Variants in UCK2 observed in about 807,000 individuals in gnomAD.
UCK2 encodes uridine-cytidine kinase 2.
UCK2 carries 6 observed loss-of-function variants against 30.8 expected under a neutral mutation model. That is an observed-to-expected ratio of 0.19 (90% confidence interval 0.11 to 0.38). UCK2 has a LOEUF of 0.38. Ranked by LOEUF, UCK2 falls within the 10% of genes least tolerant of loss-of-function variation. The pLI is 1.00. For missense variants in UCK2, 210 were observed against 339.8 expected, an observed-to-expected ratio of 0.62 and a Z score of 3.00; for synonymous variants, 125 against 133.6, an observed-to-expected ratio of 0.94 and a Z score of 0.45.
intron 1 of UCK2, among the ~76,000 whole-genome samples, chr1:165,880,843 G>A (rs1469818740): frequency 2.6e-5 from 4 of 152,050 alleles, no homozygotes; most frequent in Non-Finnish European, 5.9e-5. Context: ...GGTCTCACAT[G>A]AGCAGTGTAG....
intron 1 of UCK2, among the ~76,000 whole-genome samples, chr1:165,838,883 A>G (rs189982232): frequency 6.6e-6 from 1 of 152,246 alleles, no homozygotes; most frequent in Non-Finnish European, 1.5e-5. Context: ...TCCCATCTCT[A>G]CTAAAAATAC....
At chr1:165,830,857 G>A (rs1571260313) in intron 1 of UCK2, among the ~76,000 whole-genome samples, 2 of 152,106 alleles carry the variant, frequency 1.3e-5, no homozygotes, top group Non-Finnish European at 2.9e-5. Flanking sequence ...AACATAGTGA[G>A]ACCCCATCTG....
chr1:165,859,540 G>GC (rs1178165295), intron 1 of UCK2, among the ~76,000 whole-genome samples: 2 of 152,202 alleles, frequency 1.3e-5, no homozygotes, highest in African/African-American at 2.4e-5. Flanking sequence ...GATCAGTGGG[G>GC]CCGGGAGCTG....
At chr1:165,850,264 G>A (rs1223354761) in intron 1 of UCK2, among the ~76,000 whole-genome samples, 6 of 151,590 alleles carry the variant, frequency 4.0e-5, no homozygotes, top group Non-Finnish European at 8.8e-5. Context: ...CCGAGAAGCT[G>A]GGATTACAGG....
chr1:165,827,988 A>T (rs1316993514), intron 1 of UCK2, 56 bp downstream of exon 1: 9 of 1,221,134 alleles, frequency 7.4e-6, no homozygotes, highest in Non-Finnish European at 9.3e-6. Context: ...TGGGCGGCGC[A>T]TGTGGCCGGC....
At chr1:165,869,433 T>C (rs1424335562) in intron 1 of UCK2, among the ~76,000 whole-genome samples, 1 of 152,066 alleles carries the variant, frequency 6.6e-6, no homozygotes, top group Non-Finnish European at 1.5e-5. Context: ...TTCTTTTGGG[T>C]ACATCCCCAC....
At chr1:165,906,009 G>C in intron 6 of UCK2, 40 bp downstream of exon 6, 2 of 1,594,006 alleles carry the variant, frequency 1.3e-6, no homozygotes, top group Non-Finnish European at 1.7e-6. Flanking sequence ...TATAATGTCT[G>C]CCCTTTGTCA....
intron 4 of UCK2, chr1:165,900,275 A>G (rs955149662): frequency 6.6e-5 from 10 of 152,238 alleles, no homozygotes; most frequent in Admixed American, 3.9e-4. Context: ...CATAGAACAC[A>G]TGCTTATTGA....
In UCK2 at chr1:165,827,832, C is replaced by T; in HGVS notation, c.-2C>T. ...GCAGCGGGAGGAGGGGCGGCGCGAACCATGGCCGGGGACAGCGAGCAGACC... is the reference window on the plus strand; with the variant it reads ...GCAGCGGGAGGAGGGGCGGCGCGAATCATGGCCGGGGACAGCGAGCAGACC... On this transcript the variant is annotated 5_prime_UTR_variant, in exon 1 of 7. Transcript: ENST00000367879. 6.9e-7 allele frequency: 1 copy of T among 1,446,724 alleles called. No individual in the cohort carries two copies. The highest frequency in any genetic ancestry group is 1.5e-5 in the South Asian group (1 of 68,156). 89.6% of individuals were successfully genotyped at this position (1,446,724 alleles called of 1,614,324 possible). A position where few individuals can be genotyped will look rare whatever the true frequency, so the allele number is the denominator to read the frequency against.
chr1:165,877,069 G>A (rs899135681), intron 1 of UCK2, among the ~76,000 whole-genome samples: 31 of 152,168 alleles, frequency 2.0e-4, no homozygotes, highest in African/African-American at 7.5e-4. Flanking sequence ...ATTTTGGGGG[G>A]CAACAATGTA....
rs1020254201 is a variant in UCK2, at chr1:165,892,443, A to G, written c.356+1121A>G. 3.3e-5 allele frequency among the ~76,000 whole-genome samples: 5 copies of G among 152,304 alleles called. No individual in the cohort carries two copies. In the East Asian group the frequency reaches 7.8e-4, roughly 24 times the overall value. Reference sequence around the variant, plus strand: ...GGTTCATGGAAAAGTCCAAGAAACCACCATGTCTGGGTTTGCAGCCTCAAT... The same window carrying G: ...GGTTCATGGAAAAGTCCAAGAAACCGCCATGTCTGGGTTTGCAGCCTCAAT... On this transcript the variant is annotated intron_variant, in intron 3 of 6. Coordinates refer to ENST00000367879, the MANE Select transcript of UCK2 (RefSeq NM_012474.5).
intron 1 of UCK2, among the ~76,000 whole-genome samples, chr1:165,830,109 G>C (rs1349905317): frequency 6.6e-6 from 1 of 151,666 alleles, no homozygotes; most frequent in African/African-American, 2.4e-5. Context: ...GGGCTCAAGT[G>C]ATCCTCCCAC....
intron 1 of UCK2, among the ~76,000 whole-genome samples, chr1:165,860,774 T>C (rs1248448200): frequency 6.6e-6 from 1 of 152,108 alleles, no homozygotes; most frequent in Admixed American, 6.5e-5. Context: ...TAACCTTATC[T>C]CATATCTATT....
At chr1:165,883,183 G>A (rs767140532) in intron 1 of UCK2, among the ~76,000 whole-genome samples, 1 of 152,118 alleles carries the variant, frequency 6.6e-6, no homozygotes, top group Admixed American at 6.5e-5. Context: ...CCCATCCTTA[G>A]TTAGAATGAT....
intron 1 of UCK2, among the ~76,000 whole-genome samples, chr1:165,881,942 T>C (rs145170375): frequency 6.6e-6 from 1 of 152,346 alleles, no homozygotes; most frequent in African/African-American, 2.4e-5. Flanking sequence ...CAGTCTAACA[T>C]CTGCATCTTT....
intron 4 of UCK2, among the ~76,000 whole-genome samples, chr1:165,898,482 A>G (rs1768903): frequency 1 from 152,246 of 152,276 alleles, 76,108 homozygotes; most frequent in Non-Finnish European, 1. Context: ...GACTGGTTAG[A>G]TCCTCCAAGG....
chr1:165,903,503 G>A (rs1647550510), intron 5 of UCK2, among the ~76,000 whole-genome samples: 1 of 152,060 alleles, frequency 6.6e-6, no homozygotes. Flanking sequence ...GCCCTGTAGG[G>A]TCCTGCCAGT....
At chr1:165,878,760 G>C (rs552501802) in intron 1 of UCK2, among the ~76,000 whole-genome samples, 5 of 152,214 alleles carry the variant, frequency 3.3e-5, no homozygotes, top group Non-Finnish European at 5.9e-5. Flanking sequence ...TGGCAATTAT[G>C]AATAAAGCTT....
At chr1:165,880,554 G>GTT (rs372981833) in intron 1 of UCK2, among the ~76,000 whole-genome samples, 6 of 97,132 alleles carry the variant, frequency 6.2e-5, no homozygotes, top group South Asian at 3.1e-4. Context: ...GATCCATTCA[G>GTT]TTTTTTTTGG....
Sources: gnomAD v4.1 joint callset for allele counts (sites outside exome capture counted in the v4.1 genomes callset) on GRCh38, gnomAD v4.1.1 for gene constraint, MANE v1.5 for transcripts, NCBI Gene and HGNC (gene_info 2026-07-23, HGNC 2026-07-21) for gene names.